WWOX: variants seen among roughly 807,000 people sequenced by gnomAD.
WWOX encodes the protein WW domain-containing oxidoreductase.
A neutral mutation model predicts 46.2 loss-of-function variants in WWOX; 69 were observed. That is an observed-to-expected ratio of 1.49 (90% CI 1.23 to 1.82). The LOEUF is 1.82. Among genes scored for constraint, WWOX ranks in the 40% most tolerant of loss-of-function variants. WWOX has a pLI of 0.00. For missense variants in WWOX, 919 were observed against 542.6 expected, an observed-to-expected ratio of 1.69 and a Z score of -6.89; for synonymous variants, 359 against 202.6, an observed-to-expected ratio of 1.77 and a Z score of -6.56.
chr16:79,024,465 GCT>G lies in WWOX; in HGVS notation c.1057-187140_1057-187139del, dbSNP rs1255045441. ...TTTCTTTGTTTTGAGACGGAGTTTT[GCT>G]CTGTTGCCCAGGCTGGAGTGCAGTG... is the stretch of plus-strand genomic sequence containing the variant. On this transcript the variant is annotated intron_variant, in intron 8 of 8. Transcript: ENST00000566780. 2.0e-5 allele frequency among the ~76,000 whole-genome samples: 3 copies of G among 151,994 alleles called. No homozygotes were observed. The East Asian group carries it at 5.8e-4, about 29-fold the overall frequency.
intron 8 of WWOX, among the ~76,000 whole-genome samples, chr16:79,033,853 C>G (rs977027995): frequency 6.6e-6 from 1 of 152,188 alleles, no homozygotes; most frequent in Admixed American, 6.6e-5. Flanking sequence ...ATTTATGATA[C>G]TGGATTCTCA....
At chr16:78,470,274 C>A (rs976727027) in intron 8 of WWOX, among the ~76,000 whole-genome samples, 2 of 152,168 alleles carry the variant, frequency 1.3e-5, no homozygotes, top group African/African-American at 4.8e-5. Context: ...CTTTGAACTC[C>A]AGGAGGCTAG....
chr16:78,534,907 T>A lies in WWOX; in HGVS notation c.1056+102155T>A, dbSNP rs138231363. On this transcript the variant is annotated intron_variant, in intron 8 of 8. Coordinates refer to ENST00000566780, the MANE Select transcript of WWOX (RefSeq NM_016373.4). ...TTTTTGTATTTTAGTAGAGACTGGG[T>A]TCCACCATGGTGGCCGGGATGGTCT... 5.1e-3 allele frequency among the ~76,000 whole-genome samples: 775 copies of A among 152,132 alleles called. 10 individuals are homozygous for A. The highest frequency in any genetic ancestry group is 0.018 in the African/African-American group (753 of 41,498).
In WWOX at chr16:79,190,368, T is replaced by C. The variant is rs11150143; in HGVS notation, c.1057-21240T>C. On this transcript the variant is annotated intron_variant, in intron 8 of 8. Transcript: ENST00000566780. ...AAAAAAAAAATCGGGAATTAGCGTGTAGCTATTAGGCGTAGATTCCTGCCT... is the reference window on the plus strand; with the variant it reads ...AAAAAAAAAATCGGGAATTAGCGTGCAGCTATTAGGCGTAGATTCCTGCCT... Among the ~76,000 whole-genome samples, 76 of 152,194 alleles carry C rather than the reference T, an allele frequency of 5.0e-4. No individual in the cohort carries two copies. The East Asian group carries it at 0.014, about 28-fold the overall frequency.
chr16:78,233,770 G>A (rs952474945), intron 5 of WWOX, among the ~76,000 whole-genome samples: 2 of 151,980 alleles, frequency 1.3e-5, no homozygotes, highest in African/African-American at 4.8e-5. Context: ...CTGGTGATCC[G>A]CCTGTCTTGG....
At chr16:78,963,714 C>G (rs890559252) in intron 8 of WWOX, among the ~76,000 whole-genome samples, 2 of 152,162 alleles carry the variant, frequency 1.3e-5, no homozygotes, top group Non-Finnish European at 2.9e-5. Context: ...GCACTTAACA[C>G]ACAGACACAT....
At position 79,117,993 on chromosome 16, in the gene WWOX, G is replaced by T. The variant is rs115090483; in HGVS notation, c.1057-93615G>T. 7.7e-3 allele frequency among the ~76,000 whole-genome samples: 1,178 copies of T among 152,354 alleles called. 11 individuals are homozygous for T. The highest frequency in any genetic ancestry group is 0.026 in the African/African-American group (1,098 of 41,590). On this transcript the variant is annotated intron_variant, in intron 8 of 8. Transcript: ENST00000566780. ...GTTTCTATCATTTGTGTGTTCACTA[G>T]AATAGCACTTTTAATTTCCTTCAAG...
At chr16:78,696,741 C>T (rs911577207) in intron 8 of WWOX, among the ~76,000 whole-genome samples, 2 of 151,930 alleles carry the variant, frequency 1.3e-5, no homozygotes, top group Non-Finnish European at 2.9e-5. Context: ...TGGTGATTGG[C>T]GAGACTTTGG....
At chr16:78,755,420 A>G (rs2049618709) in intron 8 of WWOX, among the ~76,000 whole-genome samples, 1 of 152,028 alleles carries the variant, frequency 6.6e-6, no homozygotes, top group Non-Finnish European at 1.5e-5. Flanking sequence ...CCATGATATT[A>G]CATGTTGGGA....
At chr16:78,443,460 TG>T (rs2083490543) in intron 8 of WWOX, among the ~76,000 whole-genome samples, 1 of 152,264 alleles carries the variant, frequency 6.6e-6, no homozygotes, top group East Asian at 1.9e-4. Context: ...CACCTTAGCT[TG>T]GAGGAAACAT....
intron 8 of WWOX, among the ~76,000 whole-genome samples, chr16:78,715,584 A>T (rs892585367): frequency 1.3e-5 from 2 of 151,898 alleles, no homozygotes; most frequent in East Asian, 3.9e-4. Flanking sequence ...CTTGGGTTCA[A>T]GCGATTCTCC....
intron 8 of WWOX, among the ~76,000 whole-genome samples, chr16:79,068,944 C>G (rs1055144484): frequency 1.3e-5 from 2 of 152,052 alleles, no homozygotes; most frequent in Non-Finnish European, 2.9e-5. Context: ...CGATTCCCAG[C>G]CAAACATTTC....
chr16:78,338,156 T>A (rs1333354868), intron 5 of WWOX, among the ~76,000 whole-genome samples: 1 of 115,364 alleles, frequency 8.7e-6, no homozygotes, highest in African/African-American at 3.0e-5. Flanking sequence ...TTAATATGAA[T>A]TTATCACATG....
intron 4 of WWOX, among the ~76,000 whole-genome samples, chr16:78,146,246 G>A (rs34767902): frequency 7.2e-5 from 11 of 152,174 alleles, no homozygotes; most frequent in Admixed American, 2.6e-4. Context: ...CTGGCAAGCC[G>A]TGCAGGTTGG....
intron 8 of WWOX, among the ~76,000 whole-genome samples, chr16:79,010,562 C>T (rs1350110914): frequency 6.6e-6 from 1 of 152,100 alleles, no homozygotes; most frequent in Non-Finnish European, 1.5e-5. Flanking sequence ...AAGAAACAGA[C>T]AATTCATGAA....
intron 3 of WWOX, 127 bp from the exon 4 acceptor site, chr16:78,114,849 C>A: frequency 8.3e-7 from 1 of 1,205,220 alleles, no homozygotes; most frequent in Non-Finnish European, 1.2e-6. Flanking sequence ...GGCCCCAGTT[C>A]TTTCAGGTTT....
chr16:79,055,856 A>G (rs533314524), intron 8 of WWOX, among the ~76,000 whole-genome samples: 2 of 152,284 alleles, frequency 1.3e-5, no homozygotes, highest in South Asian at 4.1e-4. Flanking sequence ...GTTGAGGACT[A>G]AGCTTTGCTC....
intron 8 of WWOX, among the ~76,000 whole-genome samples, chr16:78,592,937 A>G (rs2045385190): frequency 6.6e-6 from 1 of 152,146 alleles, no homozygotes; most frequent in Admixed American, 6.5e-5. Flanking sequence ...GCTTTCTAAG[A>G]AGCCCCACCC....
At chr16:79,210,417 G>A (rs1039383864) in intron 8 of WWOX, among the ~76,000 whole-genome samples, 2 of 152,164 alleles carry the variant, frequency 1.3e-5, no homozygotes, top group African/African-American at 4.8e-5. Context: ...CACCCTGCAT[G>A]GTCACAATGT....
Sources: gnomAD v4.1 joint callset for allele counts (sites outside exome capture counted in the v4.1 genomes callset) on GRCh38, gnomAD v4.1.1 for gene constraint, MANE v1.5 for transcripts, NCBI Gene and HGNC (gene_info 2026-07-23, HGNC 2026-07-21) for gene names.